Variants in MYH9 observed in about 807,000 individuals in gnomAD.
MYH9 encodes myosin-9.
A neutral mutation model predicts 241.9 loss-of-function variants in MYH9; 29 were observed. The ratio of observed to expected loss-of-function variants is 0.12; its 90% CI spans 0.09 to 0.16. The LOEUF (loss-of-function observed/expected upper bound fraction) is 0.16. Ranked by LOEUF, MYH9 falls within the 10% of genes least tolerant of loss-of-function variation. The pLI is 1.00. For synonymous variants in MYH9, 1,047 were observed against 1,062.6 expected (o/e 0.99, Z 0.29); for missense variants, 1,803 against 2,595.5 (o/e 0.69, Z 6.63).
intron 20 of MYH9, 70 bp from the exon 21 acceptor site, chr22:36,301,735 C>T (rs1285300790): frequency 6.3e-7 from 1 of 1,590,472 alleles, no homozygotes; most frequent in Non-Finnish European, 8.6e-7. Flanking sequence ...AGGTGTGAGG[C>T]CTCTCCCTCA....
intron 3 of MYH9, among the ~76,000 whole-genome samples, chr22:36,334,194 C>T (rs948250109): frequency 6.6e-6 from 1 of 152,194 alleles, no homozygotes; most frequent in Admixed American, 6.5e-5. Context: ...GACTGACAGG[C>T]AGGACCATGG....
chr22:36,317,482 G>A (rs2017176540), intron 11 of MYH9, among the ~76,000 whole-genome samples: 1 of 152,214 alleles, frequency 6.6e-6, no homozygotes. Context: ...AATACGCGAT[G>A]TCTTTTGAAA....
intron 20 of MYH9, 21 bp downstream of exon 20, chr22:36,302,547 G>A: frequency 6.2e-7 from 1 of 1,601,040 alleles, no homozygotes; most frequent in Non-Finnish European, 8.5e-7. Flanking sequence ...CAGCTACTCA[G>A]GAGGCCCTTC....
intron 1 of MYH9, among the ~76,000 whole-genome samples, chr22:36,355,660 C>T: frequency 6.6e-6 from 1 of 152,172 alleles, no homozygotes; most frequent in East Asian, 1.9e-4. Flanking sequence ...TCACTCAATC[C>T]TTGCAATAAT....
At chr22:36,387,437 C>A (rs973478903) in intron 1 of MYH9, among the ~76,000 whole-genome samples, 2 of 152,236 alleles carry the variant, frequency 1.3e-5, no homozygotes, top group African/African-American at 4.8e-5. Context: ...AAAGTTTGCC[C>A]GAGTCGGGCC....
chr22:36,314,970 G>T (rs537639151), intron 12 of MYH9, among the ~76,000 whole-genome samples: 13 of 152,266 alleles, frequency 8.5e-5, no homozygotes, highest in Non-Finnish European at 1.3e-4. Flanking sequence ...TTATTGAAGA[G>T]ATGGGGCCTT....
At position 36,305,506 on chromosome 22, in the gene MYH9, C is replaced by A. The variant is rs1164476493; in HGVS notation, c.2160-404G>T. Among the ~76,000 whole-genome samples the A allele has an allele frequency of 6.6e-6, 1 of 152,232 alleles. No individual in the cohort carries two copies. Among genetic ancestry groups the A allele is most frequent in the Non-Finnish European group, 1.5e-5 (1 of 68,038 alleles). On this transcript the variant is annotated intron_variant, in intron 17 of 40. Coordinates refer to ENST00000216181, the MANE Select transcript of MYH9 (RefSeq NM_002473.6). This position sits in a 1 kb window ranked among gnomAD's most constrained non-coding sequence, Gnocchi z 4.7. Reference sequence around the variant, plus strand: ...ATAAAGGGCTGCGTCCCGACAGCAACTGACACTCAGCACAGTCATTAGAGA... The same window carrying A: ...ATAAAGGGCTGCGTCCCGACAGCAAATGACACTCAGCACAGTCATTAGAGA...
In MYH9 at chr22:36,288,487, G is replaced by A; in HGVS notation, c.4771-74C>T. The A allele has an allele frequency of 6.3e-7, 1 of 1,581,360 alleles. No individual in the cohort carries two copies. Among genetic ancestry groups the A allele is most frequent in the Middle Eastern group, 1.7e-4 (1 of 6,022 alleles). On this transcript the variant is annotated intron_variant, in intron 33 of 40. Transcript: ENST00000216181. This position sits in a 1 kb window ranked among gnomAD's most constrained non-coding sequence, Gnocchi z 4.8. ...CCCTGCCCTAGCTCTGAACTCAGGA[G>A]CCTCAGGCCAGTTCTGCAGGATCCA...
intron 14 of MYH9, among the ~76,000 whole-genome samples, chr22:36,310,161 T>C (rs1250563188): frequency 6.7e-6 from 1 of 149,446 alleles, no homozygotes; most frequent in Non-Finnish European, 1.5e-5. Context: ...TCTCAGCCCC[T>C]AGGGGGGCTG....
intron 3 of MYH9, among the ~76,000 whole-genome samples, chr22:36,328,151 AG>A (rs563250380): frequency 1.7e-3 from 254 of 152,326 alleles, no homozygotes; most frequent in Middle Eastern, 6.8e-3. Context: ...GTCACTTTAG[AG>A]GCAGCTTGTA....
intron 35 of MYH9, among the ~76,000 whole-genome samples, 167 bp downstream of exon 35, chr22:36,286,551 C>A (rs1312203609): frequency 6.6e-6 from 1 of 152,196 alleles, no homozygotes; most frequent in Admixed American, 6.5e-5. Flanking sequence ...GAGGGAGCCC[C>A]GCTATGAAAC....
chr22:36,342,010 C>T (rs140424864), intron 2 of MYH9, among the ~76,000 whole-genome samples: 33 of 152,358 alleles, frequency 2.2e-4, no homozygotes, highest in Non-Finnish European at 3.2e-4. Flanking sequence ...ACTGGAAAAA[C>T]GCACTGTGTC....
Position 36,306,376 on chromosome 22 carries a change from C to T in MYH9, c.2037+38G>A, listed in dbSNP as rs757132927. 2.5e-6 allele frequency: 4 copies of T among 1,611,986 alleles called. No individual in the cohort carries two copies. The highest frequency in any genetic ancestry group is 3.4e-6 in the Non-Finnish European group (4 of 1,178,940). ...GACAAGGGCTGAGCACCCCACACCA[C>T]AGTGCCCTGCCCGGGCCACCCCACC... On this transcript the variant is annotated intron_variant, in intron 16 of 40. Transcript: ENST00000216181. The surrounding 1 kb of genome is among the most constrained non-coding windows in gnomAD (Gnocchi z 4.1).
intron 18 of MYH9, among the ~76,000 whole-genome samples, chr22:36,304,735 C>T (rs1387048880): frequency 6.6e-6 from 1 of 152,202 alleles, no homozygotes; most frequent in Non-Finnish European, 1.5e-5. Context: ...GGCCCGTGAG[C>T]AAGAAAGCAG....
chr22:36,293,854 C>G lies in MYH9; in HGVS notation c.3847G>C (p.Asp1283His). 6.2e-7 allele frequency: 1 copy of G among 1,613,258 alleles called. No homozygotes were observed. ...DKVTKLQVELDNVTGLLSQSD... is the reference protein window; with the variant it reads ...DKVTKLQVELHNVTGLLSQSD... The stretch of plus-strand genomic sequence containing the variant: ...TGGCTGAGAAGCCCGGTCACGTTGT[C>G]CAGCTCCACCTGCACCGGGCGGGGA... The change falls in exon 29 of 41, where the codon GAC becomes CAC. Residue 1283 changes from aspartate to histidine, a missense_variant. Physicochemically the swap from Asp to His is moderately conservative, Grantham distance 81. Around this residue, in one of 11 missense-constraint regions of MYH9, gnomAD observed 876 missense variants for 1,077.8 expected, o/e 0.81. Transcript: ENST00000216181. This position sits in a 1 kb window ranked among gnomAD's most constrained non-coding sequence, Gnocchi z 5.1.
At chr22:36,343,482 A>T (rs2017621827) in intron 2 of MYH9, among the ~76,000 whole-genome samples, 2 of 149,238 alleles carry the variant, frequency 1.3e-5, no homozygotes, top group Non-Finnish European at 3.0e-5. Flanking sequence ...CAGGAGTTCG[A>T]GGTTGCAGTA....
intron 24 of MYH9, 99 bp from the exon 25 acceptor site, chr22:36,297,113 T>A: frequency 7.2e-7 from 1 of 1,386,552 alleles, no homozygotes. Context: ...ATGAAACGTG[T>A]GTCAGGCTTA....
At position 36,288,957 on chromosome 22, in the gene MYH9, C is replaced by G. The variant is rs2016638304; in HGVS notation, c.4558-18G>C. 1 of 1,613,608 alleles carries G rather than the reference C, an allele frequency of 6.2e-7. No homozygotes were observed. Among genetic ancestry groups the G allele is most frequent in the Non-Finnish European group, 8.5e-7 (1 of 1,180,044 alleles). ...TCGTGGACCTGAGCCCCAGAGAGCC[C>G]AAGTCAGGAGCAAAGGGACTGGCAG... On this transcript the variant is annotated intron_variant, in intron 32 of 40. Coordinates refer to ENST00000216181, the MANE Select transcript of MYH9 (RefSeq NM_002473.6). This position sits in a 1 kb window ranked among gnomAD's most constrained non-coding sequence, Gnocchi z 4.8.
At chr22:36,313,289 A>C (rs552210046) in intron 13 of MYH9, among the ~76,000 whole-genome samples, 269 of 151,272 alleles carry the variant, frequency 1.8e-3, no homozygotes, top group African/African-American at 5.7e-3. Flanking sequence ...GCCTCCACTA[A>C]AAATACAAAA....
Sources: gnomAD v4.1 joint callset for allele counts (sites outside exome capture counted in the v4.1 genomes callset) on GRCh38, gnomAD v4.1.1 for gene constraint, gnomAD v4.1.1 regional missense constraint, Gnocchi (gnomAD v3.1) non-coding constraint, MANE v1.5 for transcripts, NCBI Gene and HGNC (gene_info 2026-07-23, HGNC 2026-07-21) for gene names.